CDH4: variants seen among roughly 807,000 people sequenced by gnomAD.
CDH4 encodes the protein cadherin-4.
A neutral mutation model predicts 86.0 loss-of-function variants in CDH4; 33 were observed. The ratio of observed to expected loss-of-function variants is 0.38; its 90% confidence interval spans 0.29 to 0.51. The LOEUF is 0.51. CDH4 is among the 20% of genes least tolerant of loss of function. CDH4 has a pLI of 0.86. For missense variants in CDH4, 1,114 were observed against 1,307.4 expected, an observed-to-expected ratio of 0.85 and a Z score of 2.28; for synonymous variants, 555 against 549.4, an observed-to-expected ratio of 1.01 and a Z score of -0.14.
At chr20:61,877,519 G>A (rs1036982626) in intron 7 of CDH4, among the ~76,000 whole-genome samples, 4 of 152,268 alleles carry the variant, frequency 2.6e-5, no homozygotes, top group Non-Finnish European at 4.4e-5. Context: ...GGGCGCTGGC[G>A]TTCTCCGCTG....
chr20:61,717,108 C>T (rs901331054), intron 2 of CDH4, among the ~76,000 whole-genome samples: 5 of 152,174 alleles, frequency 3.3e-5, no homozygotes, highest in African/African-American at 7.2e-5. Flanking sequence ...CAGGGCAGGG[C>T]GTCAGGGCAG....
intron 2 of CDH4, among the ~76,000 whole-genome samples, chr20:61,559,182 G>C (rs575090647): frequency 2.0e-5 from 3 of 152,282 alleles, no homozygotes. Context: ...GCTGGGTGTG[G>C]TGGCTTATGC....
chr20:61,269,966 G>C lies in CDH4; in HGVS notation c.169+15029G>C, dbSNP rs543664322. Among the ~76,000 whole-genome samples, 1 of 152,208 alleles carries C rather than the reference G, an allele frequency of 6.6e-6. No homozygotes were observed. Among genetic ancestry groups the C allele is most frequent in the Non-Finnish European group, 1.5e-5 (1 of 68,044 alleles). ...CCCCCAGATGTGGAGAGGGCCGGCC[G>C]ACCTTTGCGGCAGTCATTTTTCCAT... On this transcript the variant is annotated intron_variant, in intron 2 of 15. Coordinates refer to ENST00000614565, the MANE Select transcript of CDH4 (RefSeq NM_001794.5). The surrounding 1 kb of genome is among the most constrained non-coding windows in gnomAD (Gnocchi z 5.3).
At chr20:61,819,961 C>T (rs751898726) in intron 4 of CDH4, among the ~76,000 whole-genome samples, 2 of 152,178 alleles carry the variant, frequency 1.3e-5, no homozygotes, top group Non-Finnish European at 1.5e-5. Flanking sequence ...CACACCTGCC[C>T]GTGAAAGGCC....
intron 6 of CDH4, among the ~76,000 whole-genome samples, chr20:61,871,554 G>A (rs539200527): frequency 6.6e-6 from 1 of 152,312 alleles, no homozygotes; most frequent in Non-Finnish European, 1.5e-5. Flanking sequence ...CACTCCTAGG[G>A]TGCTGCACTT....
At chr20:61,429,067 T>C (rs1004545744) in intron 2 of CDH4, among the ~76,000 whole-genome samples, 1 of 143,780 alleles carries the variant, frequency 7.0e-6, no homozygotes, top group Non-Finnish European at 1.6e-5. Context: ...CGGTAACTTA[T>C]GTTACCGTCA....
intron 2 of CDH4, among the ~76,000 whole-genome samples, chr20:61,371,338 G>A (rs944252368): frequency 6.6e-6 from 1 of 152,200 alleles, no homozygotes; most frequent in Non-Finnish European, 1.5e-5. Context: ...CTGAGGCCGG[G>A]GTTGGATGAA....
In CDH4 at chr20:61,902,039, C is replaced by T; in HGVS notation, c.1188+6992C>T. ...AAAATTAAGTACAGCAGCAAATCAC[C>T]AAGATGCAGTCCTGCGTGTCACACC... On this transcript the variant is annotated intron_variant, in intron 8 of 15. Transcript: ENST00000614565. The surrounding 1 kb of genome is among the most constrained non-coding windows in gnomAD (Gnocchi z 4.6). 6.6e-6 allele frequency among the ~76,000 whole-genome samples: 1 copy of T among 152,206 alleles called. No individual in the cohort carries two copies. The highest frequency in any genetic ancestry group is 2.1e-4 in the South Asian group (1 of 4,836).
chr20:61,887,068 A>G (rs1304484916), intron 7 of CDH4, among the ~76,000 whole-genome samples: 1 of 152,202 alleles, frequency 6.6e-6, no homozygotes, highest in Non-Finnish European at 1.5e-5. Context: ...AGGAGCTCCC[A>G]TGACCGCCTC....
chr20:61,685,372 C>T (rs2087562608), intron 2 of CDH4, among the ~76,000 whole-genome samples: 1 of 152,212 alleles, frequency 6.6e-6, no homozygotes, highest in Admixed American at 6.5e-5. Context: ...GGGGTGACTG[C>T]CCCTCCCCAC....
At chr20:61,772,386 C>A (rs2088785223) in intron 3 of CDH4, among the ~76,000 whole-genome samples, 1 of 152,220 alleles carries the variant, frequency 6.6e-6, no homozygotes, top group South Asian at 2.1e-4. Flanking sequence ...GGATATATTA[C>A]TTAGATATGC....
At chr20:61,448,771 G>A (rs1198845378) in intron 2 of CDH4, among the ~76,000 whole-genome samples, 2 of 152,144 alleles carry the variant, frequency 1.3e-5, no homozygotes, top group Non-Finnish European at 2.9e-5. Flanking sequence ...TATACAGATA[G>A]GCACCCGCGC....
chr20:61,904,215 C>T (rs1026268685), intron 8 of CDH4, among the ~76,000 whole-genome samples: 10 of 152,302 alleles, frequency 6.6e-5, no homozygotes, highest in African/African-American at 1.4e-4. Flanking sequence ...AGGATCAGCA[C>T]GGCAGCAACT....
chr20:61,291,658 C>T (rs543473254), intron 2 of CDH4, among the ~76,000 whole-genome samples: 9 of 147,042 alleles, frequency 6.1e-5, no homozygotes, highest in East Asian at 2.1e-4. Flanking sequence ...CGGGCACCCG[C>T]GCCAGGCCAC....
At chr20:61,710,907 C>T (rs1045908202) in intron 2 of CDH4, among the ~76,000 whole-genome samples, 1 of 152,252 alleles carries the variant, frequency 6.6e-6, no homozygotes, top group Non-Finnish European at 1.5e-5. Flanking sequence ...AGATTCCTGT[C>T]ACTGCTCTAA....
chr20:61,293,590 C>T (rs949420536), intron 2 of CDH4, among the ~76,000 whole-genome samples: 7 of 152,188 alleles, frequency 4.6e-5, no homozygotes, highest in Admixed American at 1.3e-4. Flanking sequence ...TCCCCATCAG[C>T]GGGACAGAGA....
chr20:61,492,306 G>T (rs1600710208), intron 2 of CDH4, among the ~76,000 whole-genome samples: 1 of 147,974 alleles, frequency 6.8e-6, no homozygotes, highest in Admixed American at 6.7e-5. Flanking sequence ...TGGTGTTGAT[G>T]TAGGTGGTGT....
At chr20:61,331,645 C>CCTGCCCCCGCCAACTG (rs1568801178) in intron 2 of CDH4, among the ~76,000 whole-genome samples, 1 of 64,240 alleles carries the variant, frequency 1.6e-5, no homozygotes, top group Non-Finnish European at 3.6e-5. Flanking sequence ...AGACCCACCT[C>CCTGCCCCCGCCAACTG]CCGCCCCAGC....
chr20:61,650,758 T>C (rs2087112144), intron 2 of CDH4, among the ~76,000 whole-genome samples: 1 of 152,254 alleles, frequency 6.6e-6, no homozygotes, highest in Non-Finnish European at 1.5e-5. Context: ...TCTTTAGTGA[T>C]GCTAATTCAG....
Sources: gnomAD v4.1 joint callset for allele counts (sites outside exome capture counted in the v4.1 genomes callset) on GRCh38, gnomAD v4.1.1 for gene constraint, Gnocchi (gnomAD v3.1) non-coding constraint, MANE v1.5 for transcripts, NCBI Gene and HGNC (gene_info 2026-07-23, HGNC 2026-07-21) for gene names.